USP37: variants seen among roughly 807,000 people sequenced by gnomAD.
USP37 encodes the protein ubiquitin specific peptidase 37.
A neutral mutation model predicts 124.0 loss-of-function variants in USP37; 27 were observed. That is an observed-to-expected ratio of 0.22 (90% confidence interval 0.16 to 0.30). The LOEUF is 0.30. Among genes scored for constraint, USP37 ranks in the 10% least tolerant of loss-of-function variants. The pLI is 1.00. For synonymous variants in USP37, 365 were observed against 388.0 expected, an observed-to-expected ratio of 0.94 and a Z score of 0.70; for missense variants, 889 against 1,140.4, an observed-to-expected ratio of 0.78 and a Z score of 3.17.
intron 13 of USP37, 50 bp from the exon 14 acceptor site, chr2:218,496,000 A>C (rs761156680): frequency 6.5e-7 from 1 of 1,546,216 alleles, no homozygotes; most frequent in Non-Finnish European, 8.7e-7. Flanking sequence ...TCTTGTCACA[A>C]TAGCTTACTG....
At chr2:218,517,593 G>C (rs1300886687) in intron 10 of USP37, among the ~76,000 whole-genome samples, 1 of 152,194 alleles carries the variant, frequency 6.6e-6, no homozygotes, top group African/African-American at 2.4e-5. Flanking sequence ...TCAAAGGTCA[G>C]ATATTTTTGC....
chr2:218,542,106 T>G (rs1267061490), intron 8 of USP37, among the ~76,000 whole-genome samples: 3 of 152,186 alleles, frequency 2.0e-5, no homozygotes, highest in Non-Finnish European at 4.4e-5. Flanking sequence ...GCCTATTCTC[T>G]GTGGTACTTT....
intron 19 of USP37, among the ~76,000 whole-genome samples, chr2:218,475,306 A>G (rs943034124): frequency 2.0e-5 from 3 of 152,238 alleles, no homozygotes; most frequent in African/African-American, 7.2e-5. Flanking sequence ...AATGAGAAAA[A>G]TAAACACGAC....
intron 2 of USP37, among the ~76,000 whole-genome samples, chr2:218,561,941 T>C (rs1368916860): frequency 2.0e-5 from 3 of 152,190 alleles, no homozygotes; most frequent in African/African-American, 4.8e-5. Context: ...AGGTCATGTC[T>C]AGAGGATTTT....
chr2:218,469,869 G>A (rs545216373), intron 20 of USP37, among the ~76,000 whole-genome samples: 34 of 144,422 alleles, frequency 2.4e-4, no homozygotes, highest in African/African-American at 8.6e-4. Context: ...CGCCCAGGCT[G>A]GAGTGCAGTG....
chr2:218,479,742 T>G, intron 17 of USP37, 27 bp from the exon 18 acceptor site: 2 of 1,324,014 alleles, frequency 1.5e-6, no homozygotes, highest in Non-Finnish European at 2.0e-6. Context: ...AAATATATAA[T>G]GTATACAAAT....
chr2:218,484,603 C>G (rs973443493), intron 16 of USP37, among the ~76,000 whole-genome samples: 6 of 148,950 alleles, frequency 4.0e-5, no homozygotes, highest in East Asian at 4.0e-4. Flanking sequence ...GCCTGGGGGA[C>G]AGAGCAAGAC....
At chr2:218,470,828 T>C (rs1690644476) in intron 20 of USP37, among the ~76,000 whole-genome samples, 1 of 152,174 alleles carries the variant, frequency 6.6e-6, no homozygotes, top group Admixed American at 6.5e-5. Flanking sequence ...CAGATATTTA[T>C]TGAGAATCTA....
chr2:218,546,156 G>T, intron 8 of USP37, 65 bp downstream of exon 8: 1 of 1,301,416 alleles, frequency 7.7e-7, no homozygotes, highest in Non-Finnish European at 1.1e-6. Context: ...ATCTTCCCCA[G>T]TGGTTACAAA....
chr2:218,458,824 T>C (rs867140108), intron 23 of USP37, among the ~76,000 whole-genome samples: 1 of 152,062 alleles, frequency 6.6e-6, no homozygotes, highest in Admixed American at 6.6e-5. Context: ...TCCAGCCATT[T>C]GGAAGGCTGA....
intron 18 of USP37, among the ~76,000 whole-genome samples, chr2:218,478,341 G>A (rs934199709): frequency 3.3e-5 from 5 of 152,074 alleles, no homozygotes; most frequent in Non-Finnish European, 5.9e-5. Flanking sequence ...CAGATTTCAC[G>A]CTCACCAAGC....
At chr2:218,512,377 C>T (rs1191299723) in intron 10 of USP37, among the ~76,000 whole-genome samples, 2 of 152,040 alleles carry the variant, frequency 1.3e-5, no homozygotes, top group African/African-American at 4.8e-5. Context: ...CGTAGTGGCG[C>T]ACACCAGTAG....
chr2:218,536,931 G>A (rs1413970401), intron 8 of USP37, among the ~76,000 whole-genome samples: 1 of 152,134 alleles, frequency 6.6e-6, no homozygotes, highest in Non-Finnish European at 1.5e-5. Context: ...ATGAAATAAG[G>A]TAGAGAAGGA....
chr2:218,526,397 T>C (rs910653880), intron 10 of USP37, among the ~76,000 whole-genome samples: 1 of 152,072 alleles, frequency 6.6e-6, no homozygotes, highest in African/African-American at 2.4e-5. Context: ...CACGCCCAGC[T>C]AATTTTTTTG....
At chr2:218,534,844 T>A (rs1691531636) in intron 8 of USP37, 138 bp from the exon 9 acceptor site, 1 of 456,678 alleles carries the variant, frequency 2.2e-6, no homozygotes, top group African/African-American at 2.0e-5. Context: ...TACAAGATTG[T>A]TAGTCTCAAA....
chr2:218,506,422 C>A (rs1229195465), intron 11 of USP37, among the ~76,000 whole-genome samples: 1 of 149,632 alleles, frequency 6.7e-6, no homozygotes, highest in East Asian at 2.0e-4. Context: ...TCCTGAGTAG[C>A]TGGGATTACG....
rs566688849 is a variant in USP37 at position 218,501,252 on chromosome 2, C to A, written c.1026-3095G>T. On this transcript the variant is annotated intron_variant, in intron 11 of 25. Transcript: ENST00000258399. Reference sequence around the variant, plus strand: ...ACAGAATTTTGTCATGTTACCAAGGCTGGTTTTGAACTCCTGGGCTCAAGC... The same window carrying A: ...ACAGAATTTTGTCATGTTACCAAGGATGGTTTTGAACTCCTGGGCTCAAGC... Among the ~76,000 whole-genome samples the A allele has an allele frequency of 3.3e-5, 5 of 152,006 alleles. No individual in the cohort carries two copies. In the South Asian group the frequency reaches 8.3e-4, roughly 25 times the overall value.
At chr2:218,510,269 G>C in intron 10 of USP37, 129 bp from the exon 11 acceptor site, 1 of 965,016 alleles carries the variant, frequency 1.0e-6, no homozygotes, top group Non-Finnish European at 1.5e-6. Context: ...CAGTAATAAT[G>C]ATCACTTAAG....
intron 5 of USP37, among the ~76,000 whole-genome samples, chr2:218,552,718 ATTTT>A (rs774313240): frequency 6.6e-6 from 1 of 152,192 alleles, no homozygotes; most frequent in Non-Finnish European, 1.5e-5. Context: ...ATACCATGTG[ATTTT>A]TTTACAGGAC....
Sources: allele counts gnomAD v4.1 joint callset (sites outside exome capture counted in the v4.1 genomes callset), GRCh38; gene constraint gnomAD v4.1.1; transcripts MANE v1.5; gene names NCBI Gene and HGNC (gene_info 2026-07-23, HGNC 2026-07-21).